MYH11: variants seen among roughly 807,000 people sequenced by gnomAD.
MYH11 encodes the protein myosin-11.
In MYH11, 80 loss-of-function variants were observed where a neutral mutation model predicts 246.6. The ratio of observed to expected loss-of-function variants is 0.32; its 90% confidence interval spans 0.27 to 0.39. The LOEUF (loss-of-function observed/expected upper bound fraction) is 0.39, where lower values mean the gene tolerates loss of function less well. Ranked by LOEUF, MYH11 falls within the 10% of genes least tolerant of loss-of-function variation. The pLI is 1.00. For missense variants in MYH11, 2,158 were observed against 2,546.8 expected (o/e 0.85, Z 3.29); for synonymous variants, 1,071 against 1,015.5 (o/e 1.05, Z -1.04).
chr16:15,754,850 T>G (rs1256567610), intron 14 of MYH11, among the ~76,000 whole-genome samples: 10 of 152,186 alleles, frequency 6.6e-5, no homozygotes, highest in Admixed American at 6.6e-4. Context: ...TTAAATTTTT[T>G]TTATTTTTTA....
At chr16:15,753,614 G>A in intron 14 of MYH11, 106 bp from the exon 15 acceptor site, 1 of 863,134 alleles carries the variant, frequency 1.2e-6, no homozygotes, top group Non-Finnish European at 1.9e-6. Context: ...TCTGAGGTCA[G>A]AGAGGAAATG....
At chr16:15,776,244 C>T (rs2042218415) in intron 7 of MYH11, 68 bp from the exon 8 acceptor site, 18 of 1,021,320 alleles carry the variant, frequency 1.8e-5, no homozygotes, top group Middle Eastern at 2.0e-4. Context: ...ACCTCCATCC[C>T]TGTCACACCC....
chr16:15,772,868 C>T (rs762873078), intron 8 of MYH11, among the ~76,000 whole-genome samples: 4 of 152,182 alleles, frequency 2.6e-5, no homozygotes, highest in East Asian at 3.8e-4. Context: ...TCGTGAGCTG[C>T]ACATGTGCCC....
intron 10 of MYH11, 55 bp downstream of exon 10, chr16:15,763,741 T>TGGGGCCCCCCCCCCCCCCCCCCCC: frequency 1.5e-6 from 1 of 646,858 alleles, no homozygotes; most frequent in Non-Finnish European, 2.9e-6. Context: ...AAATGTCACC[T>TGGGGCCCCCCCCCCCCCCCCCCCC]CCCCCACCCC....
chr16:15,837,805 G>T, intron 2 of MYH11, 103 bp downstream of exon 2: 1 of 1,075,974 alleles, frequency 9.3e-7, no homozygotes, highest in South Asian at 1.3e-5. Flanking sequence ...AAAGTGCTGG[G>T]AGTACAGGCA....
intron 28 of MYH11, 23 bp from the exon 29 acceptor site, chr16:15,725,015 T>C (rs2040680765): frequency 6.2e-7 from 1 of 1,605,138 alleles, no homozygotes. Flanking sequence ...AGAGACTGGT[T>C]AGTCAAAGCC....
chr16:15,794,572 T>C (rs1036518277), intron 4 of MYH11, among the ~76,000 whole-genome samples: 1 of 152,206 alleles, frequency 6.6e-6, no homozygotes, highest in African/African-American at 2.4e-5. Context: ...GAGATGGAGA[T>C]ACACAATAGC....
In MYH11 at chr16:15,727,057, G is replaced by A. The variant is rs1431797854; in HGVS notation, c.3652-3C>T. The A allele has an allele frequency of 5.6e-6, 9 of 1,613,164 alleles. No homozygotes were observed. Among genetic ancestry groups the A allele is most frequent in the South Asian group, 1.1e-5 (1 of 91,074 alleles). Reference sequence around the variant, plus strand: ...TTCTTGTCTAGGTTCGCCTTGGCCTGGCGAAGGAAGCAGAGGGGAGGGATA... The same window carrying A: ...TTCTTGTCTAGGTTCGCCTTGGCCTAGCGAAGGAAGCAGAGGGGAGGGATA... On this transcript the variant is annotated splice_region_variant and splice_polypyrimidine_tract_variant and intron_variant, in intron 27 of 40. Transcript: ENST00000300036.
intron 6 of MYH11, among the ~76,000 whole-genome samples, chr16:15,782,046 A>T (rs1255884070): frequency 1.3e-5 from 2 of 152,034 alleles, no homozygotes; most frequent in East Asian, 1.9e-4. Flanking sequence ...CTAATTTTTT[A>T]AATTTTATTT....
intron 3 of MYH11, among the ~76,000 whole-genome samples, chr16:15,809,485 G>C (rs2043090681): frequency 6.6e-6 from 1 of 152,054 alleles, no homozygotes; most frequent in African/African-American, 2.4e-5. Flanking sequence ...TGAGCTATGA[G>C]TGTGCCACTC....
intron 1 of MYH11, among the ~76,000 whole-genome samples, chr16:15,841,263 G>A (rs1053197230): frequency 2.0e-4 from 31 of 152,074 alleles, no homozygotes; most frequent in Non-Finnish European, 2.4e-4. Flanking sequence ...TTAGCTTCCC[G>A]AGTAACTAGG....
chr16:15,763,757 C>CCCA, intron 10 of MYH11, 39 bp downstream of exon 10: 1 of 975,536 alleles, frequency 1.0e-6, no homozygotes. Flanking sequence ...ACCCCCCCAA[C>CCCA]CCCAAAGTCA....
At chr16:15,749,853 C>T (rs2041517266) in intron 16 of MYH11, 4 of 550,604 alleles carry the variant, frequency 7.3e-6, no homozygotes, top group Non-Finnish European at 9.7e-6. Flanking sequence ...TGCTCCCCAG[C>T]ACCCAGGACA....
rs775347288 is a variant in MYH11 at position 15,750,964 on chromosome 16, T to A, written c.1865-633A>T. The stretch of plus-strand genomic sequence containing the variant: ...GAGGGTGCTCTCTTAGACAAGGAGG[T>A]GGTGGGCTCTGCTAAGTTGATATTT... On this transcript the variant is annotated intron_variant, in intron 15 of 40. Transcript: ENST00000300036. This position sits in a 1 kb window ranked among gnomAD's most constrained non-coding sequence, Gnocchi z 4.3. Among the ~76,000 whole-genome samples, 18 of 151,526 alleles carry A rather than the reference T, an allele frequency of 1.2e-4. No individual in the cohort carries two copies. The highest frequency in any genetic ancestry group is 2.2e-4 in the Non-Finnish European group (15 of 67,904).
At chr16:15,828,127 C>A (rs890324627) in intron 2 of MYH11, among the ~76,000 whole-genome samples, 1 of 152,224 alleles carries the variant, frequency 6.6e-6, no homozygotes, top group Middle Eastern at 3.2e-3. Flanking sequence ...CACTTTGCTA[C>A]TTCTTCGCTG....
At chr16:15,814,384 C>T (rs1349676631) in intron 3 of MYH11, among the ~76,000 whole-genome samples, 1 of 151,580 alleles carries the variant, frequency 6.6e-6, no homozygotes, top group Admixed American at 6.6e-5. Context: ...TGAACCCCAT[C>T]TCTATTTAAA....
At chr16:15,842,604 A>C (rs2044083156) in intron 1 of MYH11, among the ~76,000 whole-genome samples, 1 of 151,156 alleles carries the variant, frequency 6.6e-6, no homozygotes, top group Non-Finnish European at 1.5e-5. Context: ...TCTACTAAAA[A>C]CACAAAAATA....
chr16:15,760,705 C>G (rs761075843), intron 10 of MYH11, 47 bp from the exon 11 acceptor site: 1 of 1,304,968 alleles, frequency 7.7e-7, no homozygotes, highest in South Asian at 1.2e-5. Flanking sequence ...AAAGAAATAG[C>G]TTGGCAAGAA....
chr16:15,802,649 A>T (rs191333199), intron 3 of MYH11, among the ~76,000 whole-genome samples: 2 of 152,050 alleles, frequency 1.3e-5, no homozygotes, highest in Non-Finnish European at 2.9e-5. Context: ...GGGTCTTGCT[A>T]TGTTGCCCAG....
Sources: allele counts gnomAD v4.1 joint callset (sites outside exome capture counted in the v4.1 genomes callset), GRCh38; gene constraint gnomAD v4.1.1; non-coding constraint Gnocchi (gnomAD v3.1); transcripts MANE v1.5; gene names NCBI Gene and HGNC (gene_info 2026-07-23, HGNC 2026-07-21).